SIK3: variants seen among roughly 807,000 people sequenced by gnomAD.
The protein encoded by SIK3 is SIK family kinase 3, also known as serine/threonine-protein kinase SIK3.
A neutral mutation model predicts 144.2 loss-of-function variants in SIK3; 28 were observed. That is an observed-to-expected ratio of 0.19 (90% CI 0.14 to 0.27). The LOEUF is 0.27. Ranked by LOEUF, SIK3 falls within the 10% of genes least tolerant of loss-of-function variation. The pLI is 1.00. For synonymous variants in SIK3, 686 were observed against 676.3 expected (o/e 1.01, Z -0.22); for missense variants, 1,319 against 1,776.0 (o/e 0.74, Z 4.62).
Position 116,846,287 on chromosome 11 carries a change from C to T in SIK3, c.*13+96G>A, listed in dbSNP as rs1407681793. 2 of 1,306,046 alleles carry T rather than the reference C, an allele frequency of 1.5e-6. No individual in the cohort carries two copies. The highest frequency in any genetic ancestry group is 2.1e-6 in the Non-Finnish European group (2 of 932,478). The allele number at this position is 1,306,046 out of a possible 1,614,324, so 80.9% of individuals were successfully genotyped here. On this transcript the variant is annotated intron_variant, in intron 24 of 24. Transcript: ENST00000445177. The surrounding 1 kb of genome is among the most constrained non-coding windows in gnomAD (Gnocchi z 4.1). ...GGGAGGCGTGGTACTGTCGACTGCA[C>T]TGGCCACCACAACACATGGGCTGAA... is the stretch of plus-strand genomic sequence containing the variant.
chr11:116,987,494 T>C (rs1314408484), intron 1 of SIK3, among the ~76,000 whole-genome samples: 3 of 152,134 alleles, frequency 2.0e-5, no homozygotes, highest in Non-Finnish European at 1.5e-5. Flanking sequence ...TATTCTGACA[T>C]CAGTAAACAA....
At chr11:116,868,119 A>G in intron 14 of SIK3, 30 bp from the exon 15 acceptor site, 4 of 1,550,430 alleles carry the variant, frequency 2.6e-6, no homozygotes, top group Non-Finnish European at 3.5e-6. Context: ...ATTTCATAGT[A>G]AAAAAGACAG....
rs1240338557 is a variant in SIK3, at chr11:116,867,272, ATCT to A, written c.1952+671_1952+673del. ...ATCAAGATAGTCACAGAAGATAATCATCTTCTTCAACTAGCAAAGTGTCATTCC... is the reference window on the plus strand; with the variant it reads ...ATCAAGATAGTCACAGAAGATAATCATCTTCAACTAGCAAAGTGTCATTCC... On this transcript the variant is annotated intron_variant, in intron 15 of 24. Coordinates refer to ENST00000445177, the MANE Select transcript of SIK3 (RefSeq NM_001366686.3). This position sits in a 1 kb window ranked among gnomAD's most constrained non-coding sequence, Gnocchi z 4.1. Among the ~76,000 whole-genome samples, 7 of 152,240 alleles carry A rather than the reference ATCT, an allele frequency of 4.6e-5. No homozygotes were observed. The East Asian group carries it at 5.8e-4, about 13-fold the overall frequency.
intron 1 of SIK3, among the ~76,000 whole-genome samples, chr11:117,096,202 C>T (rs543074429): frequency 1.5e-4 from 23 of 152,272 alleles, no homozygotes; most frequent in African/African-American, 4.3e-4. Context: ...ATTACATTTA[C>T]GAAAACATTC....
At chr11:116,897,633 G>A (rs544446286) in intron 4 of SIK3, among the ~76,000 whole-genome samples, 2 of 152,338 alleles carry the variant, frequency 1.3e-5, no homozygotes, top group South Asian at 2.1e-4. Context: ...GCTCATGCCT[G>A]TAATCCCATC....
chr11:116,979,137 A>C (rs1950053866), intron 1 of SIK3, among the ~76,000 whole-genome samples: 1 of 152,284 alleles, frequency 6.6e-6, no homozygotes, highest in East Asian at 1.9e-4. Context: ...CCTACTGCTC[A>C]TATCATCTCT....
intron 4 of SIK3, among the ~76,000 whole-genome samples, chr11:116,924,592 A>C (rs1043203613): frequency 2.0e-5 from 3 of 152,122 alleles, no homozygotes; most frequent in Non-Finnish European, 4.4e-5. Context: ...TGTTCCACAC[A>C]CTCCCACTGC....
chr11:116,954,476 C>A (rs2441220), intron 2 of SIK3, among the ~76,000 whole-genome samples: 5,129 of 124,860 alleles, frequency 0.041, 166 homozygotes, highest in East Asian at 0.099. Context: ...CCTATCAAAT[C>A]AAAAAAAAAA....
chr11:117,015,095 A>C (rs1311603437), intron 1 of SIK3, among the ~76,000 whole-genome samples: 3 of 152,154 alleles, frequency 2.0e-5, no homozygotes, highest in Non-Finnish European at 4.4e-5. Flanking sequence ...ATTTAAAAAA[A>C]ATTTTTTTAA....
chr11:116,941,306 GA>G (rs1167136862), intron 3 of SIK3, among the ~76,000 whole-genome samples: 1 of 151,564 alleles, frequency 6.6e-6, no homozygotes, highest in East Asian at 1.9e-4. Flanking sequence ...GCGCCTGGCC[GA>G]AAATACCTTT....
chr11:116,997,763 T>C (rs1313831880), intron 1 of SIK3, among the ~76,000 whole-genome samples: 1 of 152,202 alleles, frequency 6.6e-6, no homozygotes, highest in Non-Finnish European at 1.5e-5. Context: ...TAGTATACAA[T>C]GAATTTAGAG....
At chr11:116,853,887 T>G (rs752963642) in intron 21 of SIK3, among the ~76,000 whole-genome samples, 9 of 152,158 alleles carry the variant, frequency 5.9e-5, no homozygotes, top group Non-Finnish European at 1.3e-4. Context: ...GGCAGGGAGA[T>G]TACGGACAGC....
chr11:117,091,316 T>C (rs368030021), intron 1 of SIK3, among the ~76,000 whole-genome samples: 4 of 146,998 alleles, frequency 2.7e-5, no homozygotes, highest in South Asian at 4.5e-4. Flanking sequence ...GCAATTCTCC[T>C]GCCTCAGCCT....
At chr11:117,014,439 A>G (rs117680232) in intron 1 of SIK3, among the ~76,000 whole-genome samples, 2 of 152,320 alleles carry the variant, frequency 1.3e-5, no homozygotes, top group East Asian at 1.9e-4. Flanking sequence ...CATAACTCAC[A>G]GAAAGCACTA....
chr11:116,967,431 T>C (rs1158446067), intron 1 of SIK3, among the ~76,000 whole-genome samples: 2 of 152,250 alleles, frequency 1.3e-5, no homozygotes, highest in Non-Finnish European at 2.9e-5. Flanking sequence ...GTGCTGTTCC[T>C]GTTGAACAAA....
chr11:116,976,880 AAC>A (rs1438266515), intron 1 of SIK3, among the ~76,000 whole-genome samples: 4 of 152,396 alleles, frequency 2.6e-5, no homozygotes, highest in Admixed American at 1.3e-4. Flanking sequence ...AAATATAACT[AAC>A]ACAGAACTAA....
At chr11:116,942,965 A>G (rs1210548992) in intron 3 of SIK3, among the ~76,000 whole-genome samples, 2 of 152,156 alleles carry the variant, frequency 1.3e-5, no homozygotes, top group Non-Finnish European at 2.9e-5. Flanking sequence ...AGACTATTTA[A>G]AGGCTACTGC....
chr11:116,978,998 T>C (rs1179301857), intron 1 of SIK3, among the ~76,000 whole-genome samples: 1 of 152,206 alleles, frequency 6.6e-6, no homozygotes. Context: ...CTATGAACAA[T>C]AATTAAAATA....
intron 13 of SIK3, 28 bp downstream of exon 13, chr11:116,873,453 G>A: frequency 6.2e-7 from 1 of 1,614,098 alleles, no homozygotes; most frequent in Non-Finnish European, 8.5e-7. Context: ...CTCTGAGACA[G>A]TGAATTGGGC....
Sources: allele counts gnomAD v4.1 joint callset (sites outside exome capture counted in the v4.1 genomes callset), GRCh38; gene constraint gnomAD v4.1.1; non-coding constraint Gnocchi (gnomAD v3.1); transcripts MANE v1.5; gene names NCBI Gene and HGNC (gene_info 2026-07-23, HGNC 2026-07-21).